CHRM3: variants seen among roughly 807,000 people sequenced by gnomAD.
The protein encoded by CHRM3 is cholinergic receptor muscarinic 3.
CHRM3 carries 11 observed loss-of-function variants against 41.8 expected under a neutral mutation model. The ratio of observed to expected loss-of-function variants is 0.26; its 90% CI spans 0.17 to 0.44. The LOEUF is 0.44. Among genes scored for constraint, CHRM3 ranks in the 20% least tolerant of loss-of-function variants. The probability of loss-of-function intolerance (pLI) is 1.00; values close to 1 mark genes in which losing one functional copy is unlikely to be tolerated. For synonymous variants in CHRM3, 297 were observed against 301.4 expected (o/e 0.99, Z 0.15); for missense variants, 571 against 745.4 (o/e 0.77, Z 2.72).
At chr1:239,670,049 T>G (rs1674200698) in intron 4 of CHRM3, among the ~76,000 whole-genome samples, 1 of 152,204 alleles carries the variant, frequency 6.6e-6, no homozygotes, top group South Asian at 2.1e-4. Context: ...TATAAAATAA[T>G]AAGAAGCCAG....
chr1:239,610,082 A>G (rs527256950), intron 3 of CHRM3, among the ~76,000 whole-genome samples: 117 of 148,316 alleles, frequency 7.9e-4, no homozygotes, highest in Non-Finnish European at 1.2e-3. Flanking sequence ...AGTCCCAGCT[A>G]CTCAGGAGGC....
chr1:239,860,458 G>A (rs527578039), intron 6 of CHRM3, among the ~76,000 whole-genome samples: 1 of 152,088 alleles, frequency 6.6e-6, no homozygotes. Flanking sequence ...TACATGTACA[G>A]GCTGAGTATC....
chr1:239,579,794 C>T (rs1662698062), intron 3 of CHRM3, among the ~76,000 whole-genome samples: 4 of 152,136 alleles, frequency 2.6e-5, no homozygotes, highest in South Asian at 2.1e-4. Context: ...GTAATTTATA[C>T]GTCCATATTA....
chr1:239,602,766 A>G (rs1421020621), intron 3 of CHRM3, among the ~76,000 whole-genome samples: 1 of 152,198 alleles, frequency 6.6e-6, no homozygotes, highest in Non-Finnish European at 1.5e-5. Flanking sequence ...AATATAGAGA[A>G]TTCTTTAAAA....
intron 3 of CHRM3, among the ~76,000 whole-genome samples, chr1:239,589,642 A>C (rs1174592585): frequency 5.0e-3 from 24 of 4,810 alleles, no homozygotes; most frequent in Non-Finnish European, 9.6e-3. Context: ...AAAAAACTAT[A>C]TATATATATA....
intron 1 of CHRM3, among the ~76,000 whole-genome samples, chr1:239,416,816 A>G (rs1299852389): frequency 9.2e-5 from 14 of 152,212 alleles, no homozygotes; most frequent in Non-Finnish European, 1.5e-5. Flanking sequence ...AACCCTCTCA[A>G]TAAGTATGAG....
At position 239,627,924 on chromosome 1, in the gene CHRM3, CTGCCCT is replaced by C. The variant is rs1281809154; in HGVS notation, c.-312-4298_-312-4293del. 1.3e-5 allele frequency among the ~76,000 whole-genome samples: 2 copies of C among 148,738 alleles called. 1 individual carries two copies. The highest frequency in any genetic ancestry group is 5.0e-5 in the African/African-American group (2 of 39,622). ...AGGGTAACCCGACCATTCTCTCTGG[CTGCCCT>C]TAACATTTTTTCCTTCATTTCAACT... On this transcript the variant is annotated intron_variant, in intron 3 of 6. Transcript: ENST00000676153.
At chr1:239,554,369 A>G (rs1051929093) in intron 3 of CHRM3, among the ~76,000 whole-genome samples, 27 of 152,126 alleles carry the variant, frequency 1.8e-4, no homozygotes, top group African/African-American at 6.5e-4. Context: ...CAAACTATAG[A>G]CAAAGTGCCT....
chr1:239,439,310 C>A (rs111700506), intron 1 of CHRM3, among the ~76,000 whole-genome samples: 3,260 of 152,216 alleles, frequency 0.021, 133 homozygotes, highest in African/African-American at 0.072. Context: ...GCTCTGCTGA[C>A]AATTATAGTA....
chr1:239,467,743 C>T (rs1035136108), intron 1 of CHRM3, among the ~76,000 whole-genome samples: 11 of 152,188 alleles, frequency 7.2e-5, no homozygotes, highest in African/African-American at 2.7e-4. Context: ...ATTGCACATA[C>T]ATTTTTGATG....
At chr1:239,806,430 ACACACACACACACC>A (rs1017015754) in intron 5 of CHRM3, among the ~76,000 whole-genome samples, 1 of 151,754 alleles carries the variant, frequency 6.6e-6, no homozygotes, top group African/African-American at 2.4e-5. Flanking sequence ...ACACACACAC[ACACACACACACACC>A]CCTGTGGACA....
chr1:239,890,045 T>G (rs935071387), intron 6 of CHRM3, among the ~76,000 whole-genome samples: 2 of 152,160 alleles, frequency 1.3e-5, no homozygotes, highest in Admixed American at 6.5e-5. Context: ...TCAGGCATGG[T>G]GGCTCACGCC....
intron 1 of CHRM3, among the ~76,000 whole-genome samples, chr1:239,452,331 G>T (rs971073581): frequency 1.3e-5 from 2 of 152,160 alleles, no homozygotes; most frequent in Admixed American, 6.5e-5. Context: ...ACCCAACCAT[G>T]AATATCTACA....
intron 1 of CHRM3, among the ~76,000 whole-genome samples, chr1:239,390,119 C>G (rs1386842645): frequency 6.6e-6 from 1 of 152,170 alleles, no homozygotes; most frequent in Non-Finnish European, 1.5e-5. Flanking sequence ...AAAATGTATT[C>G]TCCTTACATA....
intron 3 of CHRM3, among the ~76,000 whole-genome samples, chr1:239,608,868 G>C (rs1666669362): frequency 6.6e-6 from 1 of 151,918 alleles, no homozygotes; most frequent in Admixed American, 6.6e-5. Flanking sequence ...ATCATTTTTG[G>C]TACAGATCCC....
At chr1:239,461,668 T>C (rs1358785105) in intron 1 of CHRM3, among the ~76,000 whole-genome samples, 2 of 152,102 alleles carry the variant, frequency 1.3e-5, no homozygotes, top group Non-Finnish European at 2.9e-5. Flanking sequence ...TCTGGTTGAT[T>C]TGCAATGTAA....
chr1:239,569,653 A>G (rs1175562134), intron 3 of CHRM3, among the ~76,000 whole-genome samples: 1 of 152,172 alleles, frequency 6.6e-6, no homozygotes, highest in African/African-American at 2.4e-5. Flanking sequence ...AAAAATAACA[A>G]AGCAAAACAT....
chr1:239,859,421 T>G (rs1269348224), intron 6 of CHRM3, among the ~76,000 whole-genome samples: 1 of 24,094 alleles, frequency 4.2e-5, no homozygotes, highest in African/African-American at 6.6e-5. Context: ...TTGTTGTTGT[T>G]TTTTTTTTTT....
rs370254757 is a variant in CHRM3 at position 239,611,709 on chromosome 1, G to A, written c.-312-20515G>A. Among the ~76,000 whole-genome samples the A allele has an allele frequency of 4.3e-3, 658 of 152,120 alleles. 6 individuals carry two copies. The highest frequency in any genetic ancestry group is 5.1e-3 in the Non-Finnish European group (346 of 68,000). On this transcript the variant is annotated intron_variant, in intron 3 of 6. Transcript: ENST00000676153. ...GCTGGGATTACAGGCATGAGCCACC[G>A]CACCCAGCCGCAAGTGACATGTTTT...
Sources: gnomAD v4.1 joint callset for allele counts (sites outside exome capture counted in the v4.1 genomes callset) on GRCh38, gnomAD v4.1.1 for gene constraint, MANE v1.5 for transcripts, NCBI Gene and HGNC (gene_info 2026-07-23, HGNC 2026-07-21) for gene names.